The following SPOCK3 variants were observed in gnomAD, a reference collection of about 807,000 sequenced individuals.
SPOCK3 encodes testican-3.
SPOCK3 carries 30 observed loss-of-function variants against 56.6 expected under a neutral mutation model. The ratio of observed to expected loss-of-function variants is 0.53; its 90% CI spans 0.40 to 0.72. The LOEUF is 0.72. Ranked by LOEUF, SPOCK3 falls within the 30% of genes least tolerant of loss-of-function variation. The pLI, the probability that SPOCK3 is intolerant of heterozygous loss-of-function variation, is 0.00. For synonymous variants in SPOCK3, 196 were observed against 183.3 expected, an observed-to-expected ratio of 1.07 and a Z score of -0.56; for missense variants, 527 against 530.0, an observed-to-expected ratio of 0.99 and a Z score of 0.06.
rs575493704 is a variant in SPOCK3, at chr4:167,219,446, C to T, written c.189+14539G>A. 1.4e-3 allele frequency among the ~76,000 whole-genome samples: 209 copies of T among 152,274 alleles called. 1 individual carries two copies. The highest frequency in any genetic ancestry group is 4.9e-3 in the African/African-American group (203 of 41,558). On this transcript the variant is annotated intron_variant, in intron 2 of 10. Transcript: ENST00000357545. ...AAGTGAGCTGTGATTAACGGACTATCAAATTACTATTTTTAGGAGGTATAT... is the reference window on the plus strand; with the variant it reads ...AAGTGAGCTGTGATTAACGGACTATTAAATTACTATTTTTAGGAGGTATAT...
At chr4:166,957,594 A>G (rs940194923) in intron 4 of SPOCK3, among the ~76,000 whole-genome samples, 2 of 152,112 alleles carry the variant, frequency 1.3e-5, no homozygotes, top group African/African-American at 4.8e-5. Flanking sequence ...CTTTCTTCAA[A>G]ATATCTTGTG....
chr4:166,986,668 A>G (rs1247835759), intron 4 of SPOCK3, among the ~76,000 whole-genome samples: 1 of 152,180 alleles, frequency 6.6e-6, no homozygotes, highest in Non-Finnish European at 1.5e-5. Flanking sequence ...TAGGGCAGCA[A>G]TAAAAGGGAC....
chr4:166,738,458 G>GT (rs1349281735), intron 9 of SPOCK3, among the ~76,000 whole-genome samples: 39 of 149,192 alleles, frequency 2.6e-4, no homozygotes, highest in East Asian at 7.9e-4. Context: ...TTACTCTATG[G>GT]TTTTTTTTTC....
intron 4 of SPOCK3, among the ~76,000 whole-genome samples, chr4:166,996,075 A>G (rs977039380): frequency 6.6e-6 from 1 of 152,172 alleles, no homozygotes; most frequent in Non-Finnish European, 1.5e-5. Flanking sequence ...GTTAAAATAG[A>G]TAAATTTTAG....
intron 2 of SPOCK3, among the ~76,000 whole-genome samples, chr4:167,206,983 G>A (rs1272114806): frequency 6.6e-6 from 1 of 151,946 alleles, no homozygotes; most frequent in South Asian, 2.1e-4. Context: ...AACGATAAAT[G>A]TTTGAGATGA....
intron 4 of SPOCK3, among the ~76,000 whole-genome samples, chr4:166,931,310 C>T (rs1739733289): frequency 6.7e-6 from 1 of 148,678 alleles, no homozygotes; most frequent in Non-Finnish European, 1.5e-5. Flanking sequence ...TGCATACAAA[C>T]ACACTACTCT....
At chr4:166,914,670 T>TA (rs1737654921) in intron 4 of SPOCK3, among the ~76,000 whole-genome samples, 1 of 152,112 alleles carries the variant, frequency 6.6e-6, no homozygotes, top group African/African-American at 2.4e-5. Context: ...CTCAGGAGGC[T>TA]AAGGCAGGAG....
At chr4:167,098,926 G>A (rs1393716273) in intron 2 of SPOCK3, among the ~76,000 whole-genome samples, 1 of 151,588 alleles carries the variant, frequency 6.6e-6, no homozygotes, top group Admixed American at 6.6e-5. Context: ...TCTGATGTAT[G>A]GCTCCTTATC....
chr4:166,753,016 G>A (rs1736622943), intron 8 of SPOCK3, among the ~76,000 whole-genome samples: 1 of 151,730 alleles, frequency 6.6e-6, no homozygotes, highest in South Asian at 2.1e-4. Context: ...ATGAAACATA[G>A]ATAACATAAA....
intron 5 of SPOCK3, among the ~76,000 whole-genome samples, chr4:166,907,615 A>G (rs1736768156): frequency 6.6e-6 from 1 of 152,118 alleles, no homozygotes; most frequent in Non-Finnish European, 1.5e-5. Flanking sequence ...AGTGTTGGAA[A>G]CAAAATCAGT....
At chr4:166,945,904 C>T (rs1005499186) in intron 4 of SPOCK3, among the ~76,000 whole-genome samples, 1 of 152,210 alleles carries the variant, frequency 6.6e-6, no homozygotes, top group East Asian at 1.9e-4. Context: ...CTCCCATACT[C>T]TGCTCCACTT....
intron 6 of SPOCK3, among the ~76,000 whole-genome samples, chr4:166,808,446 TTCTCTCTCTC>T (rs149320907): frequency 6.8e-6 from 1 of 147,082 alleles, no homozygotes; most frequent in African/African-American, 2.5e-5. Context: ...AAAGAAGAAA[TTCTCTCTCTC>T]TCTCTCTCTC....
At chr4:166,771,664 T>G (rs1738946115) in intron 7 of SPOCK3, among the ~76,000 whole-genome samples, 2 of 152,108 alleles carry the variant, frequency 1.3e-5, no homozygotes, top group Non-Finnish European at 2.9e-5. Context: ...AAATACCTGT[T>G]GCACATCATA....
chr4:166,998,338 G>A lies in SPOCK3; in HGVS notation c.350+2011C>T, dbSNP rs77760466. On this transcript the variant is annotated intron_variant, in intron 4 of 10. Coordinates refer to ENST00000357545, the MANE Select transcript of SPOCK3 (RefSeq NM_001040159.2). Reference sequence around the variant, plus strand: ...ACACCAAAGGCAAAGCTTCAGTAGTGCCCTATTAAGGATCTTTCAATTTTA... The same window carrying A: ...ACACCAAAGGCAAAGCTTCAGTAGTACCCTATTAAGGATCTTTCAATTTTA... Among the ~76,000 whole-genome samples the A allele has an allele frequency of 1.6e-4, 24 of 152,214 alleles. No individual in the cohort carries two copies. In the East Asian group the frequency reaches 4.6e-3, roughly 29 times the overall value.
At chr4:166,913,424 TAC>T (rs1373391999) in intron 4 of SPOCK3, among the ~76,000 whole-genome samples, 1 of 152,146 alleles carries the variant, frequency 6.6e-6, no homozygotes, top group African/African-American at 2.4e-5. Flanking sequence ...GTGAACAATT[TAC>T]ACAGAGTCAG....
intron 2 of SPOCK3, among the ~76,000 whole-genome samples, chr4:167,107,303 C>CATGACCAA (rs1760250347): frequency 1.3e-5 from 2 of 151,846 alleles, no homozygotes; most frequent in East Asian, 3.9e-4. Flanking sequence ...GATCATTAGT[C>CATGACCAA]ATGACCAAGT....
intron 4 of SPOCK3, among the ~76,000 whole-genome samples, chr4:166,925,667 C>G (rs1349042880): frequency 6.9e-6 from 1 of 145,614 alleles, no homozygotes; most frequent in Admixed American, 6.9e-5. Flanking sequence ...TTCAACCACT[C>G]CAAGGTAAAT....
intron 2 of SPOCK3, among the ~76,000 whole-genome samples, chr4:167,219,555 A>T (rs2111089458): frequency 6.6e-6 from 1 of 152,284 alleles, no homozygotes; most frequent in Admixed American, 6.5e-5. Flanking sequence ...GAGTTTTGGC[A>T]TTTTTGGTTC....
intron 3 of SPOCK3, among the ~76,000 whole-genome samples, chr4:167,055,952 GT>G (rs1561167624): frequency 6.6e-6 from 1 of 152,160 alleles, no homozygotes; most frequent in Non-Finnish European, 1.5e-5. Context: ...GAGAGCAGTG[GT>G]TCTCCCAGCA....
Sources: gnomAD v4.1 joint callset for allele counts (sites outside exome capture counted in the v4.1 genomes callset) on GRCh38, gnomAD v4.1.1 for gene constraint, MANE v1.5 for transcripts, NCBI Gene and HGNC (gene_info 2026-07-23, HGNC 2026-07-21) for gene names.